ZC4H2: variants seen among roughly 807,000 people sequenced by gnomAD.
ZC4H2 encodes zinc finger C4H2-type containing.
For synonymous variants in ZC4H2, 84 were observed against 66.3 expected (o/e 1.27, Z -1.30); for missense variants, 137 against 173.9 (o/e 0.79, Z 1.19).
chrX:64,958,459 C>A (rs906768609), intron 1 of ZC4H2, among the ~76,000 whole-genome samples: 2 of 111,561 alleles, frequency 1.8e-5, no homozygotes, highest in African/African-American at 6.5e-5. Context: ...TGGCCAATTT[C>A]CAAAATATGG....
At chrX:64,993,137 T>A (rs1254445721) in intron 1 of ZC4H2, among the ~76,000 whole-genome samples, 4 of 112,524 alleles carry the variant, frequency 3.6e-5, no homozygotes, top group African/African-American at 1.3e-4. Context: ...ACAAATACTT[T>A]TTTTGTACAA....
intron 1 of ZC4H2, among the ~76,000 whole-genome samples, chrX:64,999,189 T>C (rs1932484410): frequency 9.1e-6 from 1 of 110,429 alleles, no homozygotes; most frequent in South Asian, 3.9e-4. Context: ...CAGATCCCAG[T>C]GAGATCAACG....
At chrX:65,018,443 C>A (rs1569231766) in intron 1 of ZC4H2, among the ~76,000 whole-genome samples, 1 of 111,985 alleles carries the variant, frequency 8.9e-6, no homozygotes, top group East Asian at 2.8e-4. Context: ...GGATTTCCTT[C>A]CCCTAGCCAA....
rs772385958 is a variant in ZC4H2 at position 65,004,572 on chromosome X, GA to G, written c.-272+30056del. 2.0e-4 allele frequency among the ~76,000 whole-genome samples: 22 copies of G among 111,837 alleles called. No homozygotes were observed. In the South Asian group the frequency reaches 8.2e-3, roughly 42 times the overall value. ...ACTCCCAATAGTGTAGGTATTGATG[GA>G]ACATATCTCAGAATAATAAGATCTA... is the stretch of plus-strand genomic sequence containing the variant. On this transcript the variant is annotated intron_variant, in intron 1 of 4. Coordinates refer to the ZC4H2 transcript ENST00000337990.
chrX:64,995,833 A>G (rs963178695), intron 1 of ZC4H2, among the ~76,000 whole-genome samples: 2 of 112,354 alleles, frequency 1.8e-5, no homozygotes, highest in Admixed American at 9.4e-5. Flanking sequence ...CTACCTTGGA[A>G]TCCTCTCAGG....
At chrX:64,992,676 G>A (rs1324567302) in intron 1 of ZC4H2, among the ~76,000 whole-genome samples, 1 of 111,400 alleles carries the variant, frequency 9.0e-6, no homozygotes, top group Non-Finnish European at 1.9e-5. Context: ...TTCTGCTTTT[G>A]TCCCATCTTC....
intron 1 of ZC4H2, among the ~76,000 whole-genome samples, chrX:64,975,834 C>T: frequency 9.0e-6 from 1 of 111,021 alleles, no homozygotes; most frequent in Non-Finnish European, 1.9e-5. Context: ...CGCCATTCTC[C>T]CAGCTCCGCC....
chrX:64,935,310 G>T (rs1054549808), intron 1 of ZC4H2, among the ~76,000 whole-genome samples: 5 of 112,044 alleles, frequency 4.5e-5, no homozygotes, highest in African/African-American at 6.5e-5. Context: ...TGAAAAAAAG[G>T]CAGGAGCCCC....
chrX:64,980,453 C>G (rs527606978), upstream of ZC4H2, among the ~76,000 whole-genome samples: 5 of 111,679 alleles, frequency 4.5e-5, no homozygotes, highest in South Asian at 1.5e-3. Context: ...CTGAACAAAA[C>G]TAGGCAGGAT....
chrX:64,946,785 T>C lies in ZC4H2; in HGVS notation c.54-24797A>G, dbSNP rs976874610. On this transcript the variant is annotated intron_variant, in intron 1 of 4. Transcript: ENST00000374839. ...ATGTGCATGAAATGTGTATATGTTG[T>C]TTTAAATATATAAATGTTTCATTCA... 4.5e-5 allele frequency among the ~76,000 whole-genome samples: 5 copies of C among 111,859 alleles called. No homozygotes were observed. In the South Asian group the frequency reaches 1.9e-3, roughly 42 times the overall value.
intron 1 of ZC4H2, among the ~76,000 whole-genome samples, chrX:64,925,401 C>T (rs1192653298): frequency 8.9e-6 from 1 of 111,739 alleles, no homozygotes; most frequent in Non-Finnish European, 1.9e-5. Context: ...ACATGTAGTC[C>T]CTGAATCTAA....
At chrX:64,987,936 G>A (rs1290992577) in intron 1 of ZC4H2, among the ~76,000 whole-genome samples, 9 of 85,364 alleles carry the variant, frequency 1.1e-4, no homozygotes, top group Non-Finnish European at 1.5e-4. Context: ...TTCCTGTGTC[G>A]ATGTGTTCTC....
intron 1 of ZC4H2, among the ~76,000 whole-genome samples, chrX:65,006,589 T>C (rs1290718430): frequency 9.2e-6 from 1 of 108,737 alleles, no homozygotes; most frequent in Non-Finnish European, 1.9e-5. Context: ...GGGATAGCAT[T>C]AGGAGATATA....
chrX:64,982,692 A>C (rs1932105983), intron 1 of ZC4H2, among the ~76,000 whole-genome samples: 1 of 112,172 alleles, frequency 8.9e-6, no homozygotes, highest in Non-Finnish European at 1.9e-5. Context: ...ATTTCCCCTA[A>C]GTTTGGGGCA....
chrX:64,998,344 C>A (rs777862501), intron 1 of ZC4H2, among the ~76,000 whole-genome samples: 4 of 111,462 alleles, frequency 3.6e-5, no homozygotes, highest in Admixed American at 9.5e-5. Context: ...CAAATAATAT[C>A]CAAAAGAGAG....
At chrX:64,976,284 G>A in intron 1 of ZC4H2, 41 bp downstream of exon 1, 1 of 1,187,385 alleles carries the variant, frequency 8.4e-7, no homozygotes, top group South Asian at 1.8e-5. Flanking sequence ...CCGCAACGAA[G>A]GGTTGGAGAG....
At chrX:65,007,451 T>G (rs767956937) in intron 1 of ZC4H2, among the ~76,000 whole-genome samples, 105 of 112,821 alleles carry the variant, frequency 9.3e-4, no homozygotes, top group Non-Finnish European at 1.8e-3. Context: ...CATGGGTAAT[T>G]TCTGAGCCTT....
At chrX:64,953,633 C>A (rs1173676731) in intron 1 of ZC4H2, among the ~76,000 whole-genome samples, 1 of 111,195 alleles carries the variant, frequency 9.0e-6, no homozygotes, top group Non-Finnish European at 1.9e-5. Context: ...TAGCATCTCA[C>A]ACCAGAATGG....
At chrX:64,942,372 A>C in intron 1 of ZC4H2, among the ~76,000 whole-genome samples, 1 of 109,411 alleles carries the variant, frequency 9.1e-6, no homozygotes, top group East Asian at 2.9e-4. Flanking sequence ...TTATACTTTA[A>C]TTTCTGGGAT....
Sources: gnomAD v4.1 joint callset for allele counts (sites outside exome capture counted in the v4.1 genomes callset) on GRCh38, gnomAD v4.1.1 for gene constraint, MANE v1.5 for transcripts, NCBI Gene and HGNC (gene_info 2026-07-23, HGNC 2026-07-21) for gene names.